Variants in RALGPS2 observed in about 807,000 individuals in gnomAD.
RALGPS2 encodes Ral GEF with PH domain and SH3 binding motif 2.
RALGPS2 carries 43 observed loss-of-function variants against 86.8 expected under a neutral mutation model. The observed-to-expected ratio is 0.50, with a 90% CI of 0.39 to 0.64. RALGPS2 has a LOEUF of 0.64. Ranked by LOEUF, RALGPS2 falls within the 30% of genes least tolerant of loss-of-function variation. The probability of loss-of-function intolerance (pLI) is 0.00; values close to 1 mark genes in which losing one functional copy is unlikely to be tolerated. For missense variants in RALGPS2, 536 were observed against 694.6 expected, an observed-to-expected ratio of 0.77 and a Z score of 2.57; for synonymous variants, 243 against 231.3, an observed-to-expected ratio of 1.05 and a Z score of -0.46.
chr1:178,733,857 A>G (rs1406477130), intron 1 of RALGPS2, among the ~76,000 whole-genome samples: 3 of 152,266 alleles, frequency 2.0e-5, no homozygotes, highest in Admixed American at 2.0e-4. Flanking sequence ...AGGAGCAACA[A>G]AACAAGCAAG....
intron 18 of RALGPS2, among the ~76,000 whole-genome samples, chr1:178,903,644 T>G (rs9988524): frequency 1.3e-5 from 2 of 151,992 alleles, no homozygotes; most frequent in Admixed American, 6.6e-5. Context: ...GAATAATAGT[T>G]TCTAATCTTA....
At chr1:178,772,000 G>A (rs985823763) in intron 1 of RALGPS2, among the ~76,000 whole-genome samples, 9 of 152,188 alleles carry the variant, frequency 5.9e-5, no homozygotes, top group Non-Finnish European at 1.2e-4. Flanking sequence ...TAGGGGTTAG[G>A]GAATCTCTTA....
chr1:178,769,747 G>A (rs993451789), intron 1 of RALGPS2, among the ~76,000 whole-genome samples: 12 of 152,138 alleles, frequency 7.9e-5, no homozygotes, highest in Non-Finnish European at 1.6e-4. Context: ...CTCTCCCCAC[G>A]CATCCAAGGC....
chr1:178,794,021 A>G (rs1283721614), intron 4 of RALGPS2, among the ~76,000 whole-genome samples: 3 of 152,180 alleles, frequency 2.0e-5, no homozygotes, highest in Admixed American at 6.5e-5. Context: ...AGCACTTATT[A>G]AAGTTTTCCC....
At chr1:178,898,575 C>G (rs1229318485) in intron 17 of RALGPS2, among the ~76,000 whole-genome samples, 1 of 151,940 alleles carries the variant, frequency 6.6e-6, no homozygotes, top group Admixed American at 6.6e-5. Flanking sequence ...CATTGCCTTT[C>G]TTTATCAGCT....
intron 4 of RALGPS2, among the ~76,000 whole-genome samples, chr1:178,807,268 A>G (rs1439670665): frequency 1.3e-5 from 2 of 152,298 alleles, no homozygotes; most frequent in South Asian, 4.1e-4. Flanking sequence ...ACAGGGAGAT[A>G]AAGCTGCAGC....
chr1:178,902,896 TATATAG>T (rs1272977266), intron 18 of RALGPS2, among the ~76,000 whole-genome samples: 1 of 152,140 alleles, frequency 6.6e-6, no homozygotes, highest in Non-Finnish European at 1.5e-5. Context: ...TTACATACAG[TATATAG>T]AGAGACACTT....
chr1:178,820,864 C>T (rs996628243), intron 6 of RALGPS2, among the ~76,000 whole-genome samples: 7 of 151,966 alleles, frequency 4.6e-5, no homozygotes, highest in African/African-American at 1.7e-4. Context: ...AATGCTGTAT[C>T]CACAGCATTT....
intron 7 of RALGPS2, among the ~76,000 whole-genome samples, chr1:178,832,644 T>TA (rs1021891975): frequency 3.9e-5 from 6 of 151,966 alleles, no homozygotes; most frequent in African/African-American, 1.4e-4. Flanking sequence ...TAATATGAAA[T>TA]AAAGTGAAAT....
At chr1:178,840,823 T>TA (rs1219505005) in intron 8 of RALGPS2, among the ~76,000 whole-genome samples, 1 of 152,002 alleles carries the variant, frequency 6.6e-6, no homozygotes, top group Non-Finnish European at 1.5e-5. Context: ...GGGATATCAC[T>TA]ACCGATCCCA....
chr1:178,865,825 A>G, intron 8 of RALGPS2: 1 of 1,400,230 alleles, frequency 7.1e-7, no homozygotes. Flanking sequence ...AAATCAGTGA[A>G]GGAGAAAAAG....
At chr1:178,862,596 TA>T (rs1558157390) in intron 8 of RALGPS2, among the ~76,000 whole-genome samples, 5 of 55,286 alleles carry the variant, frequency 9.0e-5, no homozygotes, top group Non-Finnish European at 1.7e-4. Context: ...GCATTTTTTT[TA>T]TTTATTTATT....
At chr1:178,824,808 CA>C (rs1194941319) in intron 7 of RALGPS2, among the ~76,000 whole-genome samples, 2 of 141,914 alleles carry the variant, frequency 1.4e-5, no homozygotes, top group Admixed American at 7.0e-5. Flanking sequence ...GACTCTGTCT[CA>C]AAAAAAAAGA....
At chr1:178,888,402 GA>G (rs1659580519) in intron 13 of RALGPS2, among the ~76,000 whole-genome samples, 1 of 152,062 alleles carries the variant, frequency 6.6e-6, no homozygotes, top group Non-Finnish European at 1.5e-5. Context: ...AATACTGTGG[GA>G]AAATTAACCA....
At chr1:178,844,614 A>G (rs1418578227) in intron 8 of RALGPS2, among the ~76,000 whole-genome samples, 2 of 152,168 alleles carry the variant, frequency 1.3e-5, no homozygotes, top group African/African-American at 2.4e-5. Flanking sequence ...TAGTTGGCAA[A>G]TCTGAAGGAA....
chr1:178,762,163 A>C (rs1260286048), intron 1 of RALGPS2, among the ~76,000 whole-genome samples: 1 of 152,136 alleles, frequency 6.6e-6, no homozygotes, highest in Non-Finnish European at 1.5e-5. Context: ...AGCTCCATCC[A>C]TGTTGCTGTA....
chr1:178,802,205 A>T (rs965168606), intron 4 of RALGPS2, among the ~76,000 whole-genome samples: 25 of 139,174 alleles, frequency 1.8e-4, no homozygotes, highest in Non-Finnish European at 3.5e-4. Context: ...TATATAATAT[A>T]TTCTTAAAGT....
At chr1:178,816,029 CTG>C (rs1655210513) in intron 6 of RALGPS2, among the ~76,000 whole-genome samples, 1 of 152,170 alleles carries the variant, frequency 6.6e-6, no homozygotes. Context: ...ATGAATAAAA[CTG>C]TTATGAACAT....
At chr1:178,819,223 G>T (rs1298404620) in intron 6 of RALGPS2, among the ~76,000 whole-genome samples, 1 of 152,082 alleles carries the variant, frequency 6.6e-6, no homozygotes, top group Admixed American at 6.5e-5. Flanking sequence ...GAACTCCTGG[G>T]CTCAAGCAGT....
Sources: gnomAD v4.1 joint callset for allele counts (sites outside exome capture counted in the v4.1 genomes callset) on GRCh38, gnomAD v4.1.1 for gene constraint, MANE v1.5 for transcripts, NCBI Gene and HGNC (gene_info 2026-07-23, HGNC 2026-07-21) for gene names.